PTBP3: variants seen among roughly 807,000 people sequenced by gnomAD.
PTBP3 encodes the protein polypyrimidine tract-binding protein 3.
PTBP3 carries 20 observed loss-of-function variants against 58.7 expected under a neutral mutation model. That is an observed-to-expected ratio of 0.34 (90% CI 0.24 to 0.50). The LOEUF (loss-of-function observed/expected upper bound fraction) is 0.50. Ranked by LOEUF, PTBP3 falls within the 20% of genes least tolerant of loss-of-function variation. PTBP3 has a pLI of 0.98. For synonymous variants in PTBP3, 185 were observed against 219.8 expected, an observed-to-expected ratio of 0.84 and a Z score of 1.40; for missense variants, 509 against 637.2, an observed-to-expected ratio of 0.80 and a Z score of 2.17.
intron 6 of PTBP3, chr9:112,252,339 G>C (rs990451100): frequency 3.4e-6 from 1 of 290,868 alleles, no homozygotes; most frequent in African/African-American, 2.3e-5. Context: ...TTAGTACTTG[G>C]ATGGGAGAAG....
chr9:112,290,705 T>TACACACACAAAC (rs1418787518), intron 2 of PTBP3, among the ~76,000 whole-genome samples: 2 of 72,998 alleles, frequency 2.7e-5, no homozygotes, highest in South Asian at 4.4e-4. Flanking sequence ...TATATATATA[T>TACACACACAAAC]ATACACACAC....
At position 112,262,522 on chromosome 9, in the gene PTBP3, T is replaced by A. The variant is rs1209254331; in HGVS notation, c.429A>T (p.Glu143Asp). ...GGCTCTGCCCAGGTAGGACTGTGCC[T>A]TCATTGGAAGGACCTCCAGAAAGGG... ...SLALSGGPSN[E>D]GTVLPGQSPV... Residue 143 changes from glutamate to aspartate, a missense_variant, in exon 5 of 14, where the codon GAA (glutamate) becomes GAT (aspartate). Physicochemically the swap from Glu to Asp is conservative, Grantham distance 45. Transcript: ENST00000374257. 1 of 1,611,798 alleles carries A rather than the reference T, an allele frequency of 6.2e-7. No homozygotes were observed. The highest frequency in any genetic ancestry group is 1.3e-5 in the African/African-American group (1 of 74,812).
chr9:112,294,019 C>T (rs541015501), intron 2 of PTBP3, among the ~76,000 whole-genome samples: 2 of 152,126 alleles, frequency 1.3e-5, no homozygotes, highest in African/African-American at 4.8e-5. Flanking sequence ...AAATACCCCA[C>T]GACCAAGTTG....
chr9:112,370,629 C>T, the PTBP3 span, among the ~76,000 whole-genome samples: 4 of 152,074 alleles, frequency 2.6e-5, no homozygotes, highest in Non-Finnish European at 5.9e-5. Flanking sequence ...CTCACAAGTC[C>T]ACATTAATTT....
At chr9:112,354,089 G>A in the PTBP3 span, among the ~76,000 whole-genome samples, 8,518 of 152,070 alleles carry the variant, frequency 0.056, 660 homozygotes, top group African/African-American at 0.17. Flanking sequence ...CTACAACAAA[G>A]CCTTCATTTT....
intron 1 of PTBP3, chr9:112,332,885 G>C (rs1564471396): frequency 1.2e-6 from 2 of 1,606,232 alleles, no homozygotes; most frequent in Non-Finnish European, 1.7e-6. Context: ...AAGCGTTAAC[G>C]TATCTCACAG....
At chr9:112,301,464 AAAAC>A (rs1828933740) in intron 1 of PTBP3, among the ~76,000 whole-genome samples, 1 of 152,048 alleles carries the variant, frequency 6.6e-6, no homozygotes. Flanking sequence ...AAGAAAAAAA[AAAAC>A]AAACAAAAAA....
chr9:112,230,036 G>C (rs1589797861), intron 10 of PTBP3, among the ~76,000 whole-genome samples: 1 of 151,990 alleles, frequency 6.6e-6, no homozygotes, highest in East Asian at 1.9e-4. Flanking sequence ...ATTTCTCTCG[G>C]GCGTTGAAAA....
the PTBP3 span, among the ~76,000 whole-genome samples, chr9:112,379,258 A>G: frequency 6.6e-6 from 1 of 152,234 alleles, no homozygotes; most frequent in Admixed American, 6.5e-5. Flanking sequence ...ACTAGTCTTC[A>G]TATAATAATC....
At chr9:112,332,742 G>A in intron 1 of PTBP3, 1 of 1,607,310 alleles carries the variant, frequency 6.2e-7, no homozygotes, top group Non-Finnish European at 8.5e-7. Flanking sequence ...TTGAGCATTT[G>A]AAATGCCCCC....
At chr9:112,259,117 A>G (rs1185468597) in intron 5 of PTBP3, among the ~76,000 whole-genome samples, 1 of 151,912 alleles carries the variant, frequency 6.6e-6, no homozygotes, top group East Asian at 1.9e-4. Context: ...ACCCTTGACT[A>G]ATATTTTGTA....
At chr9:112,242,966 C>T (rs539200509) in intron 7 of PTBP3, 1 of 152,190 alleles carries the variant, frequency 6.6e-6, no homozygotes, top group Non-Finnish European at 1.5e-5. Flanking sequence ...GAAAGACTTT[C>T]CCTTTCCCTA....
At position 112,333,598 on chromosome 9, in the gene PTBP3, C is replaced by T. The variant is rs2132508356; in HGVS notation, c.-180G>A. On this transcript the variant is annotated 5_prime_UTR_variant, in exon 1 of 14. Coordinates refer to ENST00000374257, the MANE Select transcript of PTBP3 (RefSeq NM_001163788.4). ...AGCTTTGGCTCTGCGGAGCCCCGGCCGGTCCGAGGTGGAAGGAGAGTGGGA... is the reference window on the plus strand; with the variant it reads ...AGCTTTGGCTCTGCGGAGCCCCGGCTGGTCCGAGGTGGAAGGAGAGTGGGA... 8.0e-7 allele frequency: 1 copy of T among 1,256,744 alleles called. No individual in the cohort carries two copies. The highest frequency in any genetic ancestry group is 2.1e-4 in the Middle Eastern group (1 of 4,706). The allele number at this position is 1,256,744 out of a possible 1,614,324, so 77.8% of individuals were successfully genotyped here.
chr9:112,264,482 G>C (rs1019532406), intron 4 of PTBP3, among the ~76,000 whole-genome samples: 1 of 152,114 alleles, frequency 6.6e-6, no homozygotes, highest in Non-Finnish European at 1.5e-5. Context: ...TGACCTTCTG[G>C]CAAGTACAAT....
chr9:112,247,103 G>T (rs1008553328), intron 7 of PTBP3, among the ~76,000 whole-genome samples: 1 of 151,960 alleles, frequency 6.6e-6, no homozygotes, highest in Non-Finnish European at 1.5e-5. Flanking sequence ...GTATGATGGT[G>T]AGTGACTGTA....
In PTBP3 at chr9:112,333,492, C is replaced by T. The variant is rs375302377; in HGVS notation, c.-74G>A. On this transcript the variant is annotated 5_prime_UTR_variant, in exon 1 of 14. Coordinates refer to ENST00000374257, the MANE Select transcript of PTBP3 (RefSeq NM_001163788.4). ...TACCCATCCATGGCCCAGATGGAGG[C>T]GCGCACAGAGCAGGGACTGACGGGC... 2 of 1,592,536 alleles carry T rather than the reference C, an allele frequency of 1.3e-6. No homozygotes were observed. The highest frequency in any genetic ancestry group is 1.7e-6 in the Non-Finnish European group (2 of 1,170,058).
intron 1 of PTBP3, among the ~76,000 whole-genome samples, chr9:112,307,064 C>G (rs1361582521): frequency 1.3e-5 from 2 of 152,076 alleles, no homozygotes; most frequent in Non-Finnish European, 1.5e-5. Context: ...ATAAAACATG[C>G]CTAAAATAAC....
intron 1 of PTBP3, among the ~76,000 whole-genome samples, chr9:112,331,349 TTCTTC>T (rs1363807014): frequency 1.3e-5 from 2 of 152,190 alleles, no homozygotes; most frequent in Non-Finnish European, 2.9e-5. Context: ...CATACAAAAA[TTCTTC>T]TCTTCTAAGC....
At chr9:112,327,343 G>A (rs1312646103) in intron 1 of PTBP3, among the ~76,000 whole-genome samples, 4 of 152,222 alleles carry the variant, frequency 2.6e-5, no homozygotes, top group African/African-American at 9.6e-5. Flanking sequence ...GGCAGATCAC[G>A]AGGTTAGGAG....
Sources: allele counts gnomAD v4.1 joint callset (sites outside exome capture counted in the v4.1 genomes callset), GRCh38; gene constraint gnomAD v4.1.1; transcripts MANE v1.5; gene names NCBI Gene and HGNC (gene_info 2026-07-23, HGNC 2026-07-21).